Variants in JAKMIP1 observed in about 807,000 individuals in gnomAD.
JAKMIP1 encodes the protein janus kinase and microtubule interacting protein 1.
Under a neutral mutation model 113.0 loss-of-function variants are expected in JAKMIP1, and 33 were observed. That is an observed-to-expected ratio of 0.29 (90% CI 0.22 to 0.39). JAKMIP1 has a LOEUF of 0.39. Ranked by LOEUF, JAKMIP1 falls within the 10% of genes least tolerant of loss-of-function variation. The pLI, the probability that JAKMIP1 is intolerant of heterozygous loss-of-function variation, is 1.00. For missense variants in JAKMIP1, 813 were observed against 1,080.5 expected (o/e 0.75, Z 3.47); for synonymous variants, 480 against 459.9 (o/e 1.04, Z -0.56).
Position 6,081,521 on chromosome 4 carries a change from A to G in JAKMIP1, c.1101+88T>C. Reference sequence around the variant, plus strand: ...GGGAGGTGGGCAGCAGGTGCGCCCCAGAACATGTGAATCGGGAGGTTCAGG... The same window carrying G: ...GGGAGGTGGGCAGCAGGTGCGCCCCGGAACATGTGAATCGGGAGGTTCAGG... On this transcript the variant is annotated intron_variant, in intron 6 of 20. Transcript: ENST00000409021. The surrounding 1 kb of genome is among the most constrained non-coding windows in gnomAD (Gnocchi z 4.6). 1 of 1,503,376 alleles carries G rather than the reference A, an allele frequency of 6.7e-7. No homozygotes were observed. The highest frequency in any genetic ancestry group is 9.1e-7 in the Non-Finnish European group (1 of 1,095,434). 93.1% of individuals were successfully genotyped at this position (1,503,376 alleles called of 1,614,324 possible). A position where few individuals can be genotyped will look rare whatever the true frequency, so the allele number is the denominator to read the frequency against.
At chr4:6,055,005 G>A (rs1716172392) in intron 12 of JAKMIP1, among the ~76,000 whole-genome samples, 1 of 152,002 alleles carries the variant, frequency 6.6e-6, no homozygotes, top group Non-Finnish European at 1.5e-5. Flanking sequence ...GCCTGGGGTT[G>A]CTCGCTGTCC....
chr4:6,047,173 G>A (rs1424705135), intron 16 of JAKMIP1, among the ~76,000 whole-genome samples: 3 of 152,230 alleles, frequency 2.0e-5, no homozygotes, highest in Non-Finnish European at 2.9e-5. Flanking sequence ...CAGCTGGCAC[G>A]TGGTGTAGCC....
chr4:6,151,009 A>G (rs1248663425), intron 1 of JAKMIP1, among the ~76,000 whole-genome samples: 1 of 151,624 alleles, frequency 6.6e-6, no homozygotes, highest in East Asian at 1.9e-4. Context: ...TTTCTCCCCA[A>G]GCTTTGGCTT....
At chr4:6,084,504 C>T (rs1159479710) in intron 5 of JAKMIP1, among the ~76,000 whole-genome samples, 2 of 152,010 alleles carry the variant, frequency 1.3e-5, no homozygotes, top group Admixed American at 6.6e-5. Context: ...ATCACTCTGC[C>T]CTACGCTTTA....
intron 20 of JAKMIP1, among the ~76,000 whole-genome samples, chr4:6,028,064 A>AGAACACC (rs1217266759): frequency 6.6e-6 from 1 of 152,214 alleles, no homozygotes; most frequent in African/African-American, 2.4e-5. Context: ...GCAGCACATG[A>AGAACACC]GAACACCAAG....
At chr4:6,128,596 C>G (rs1240001052) in intron 1 of JAKMIP1, among the ~76,000 whole-genome samples, 1 of 152,194 alleles carries the variant, frequency 6.6e-6, no homozygotes, top group East Asian at 1.9e-4. Flanking sequence ...GTCTGCCTGA[C>G]AAAGCCCCAG....
rs986294763 is a variant in JAKMIP1, at chr4:6,106,099, G to C, written c.130-132C>G. On this transcript the variant is annotated intron_variant, in intron 2 of 20. Transcript: ENST00000409021. This position sits in a 1 kb window ranked among gnomAD's most constrained non-coding sequence, Gnocchi z 5.9. ...ACCCACCTGGGCCCACGTTCCCATG[G>C]ATTCCCCCTTCGGCAGTGCCCTGCA... is the stretch of plus-strand genomic sequence containing the variant. 1 of 630,762 alleles carries C rather than the reference G, an allele frequency of 1.6e-6. No homozygotes were observed. Among genetic ancestry groups the C allele is most frequent in the Non-Finnish European group, 2.7e-6 (1 of 365,432 alleles). The allele number at this position is 630,762 out of a possible 1,614,324, so 39.1% of individuals were successfully genotyped here. A position where few individuals can be genotyped will look rare whatever the true frequency, so the allele number is the denominator to read the frequency against.
chr4:6,064,862 C>G lies in JAKMIP1; in HGVS notation c.1431+18G>C. ...AGCATCTGGGGTGAGGTCCCGCCCT[C>G]TCTGCAGGTTTGCTTACATCGTCCA... On this transcript the variant is annotated intron_variant, in intron 9 of 20. Transcript: ENST00000409021. This position sits in a 1 kb window ranked among gnomAD's most constrained non-coding sequence, Gnocchi z 4.3. 1 of 1,613,876 alleles carries G rather than the reference C, an allele frequency of 6.2e-7. No homozygotes were observed. The highest frequency in any genetic ancestry group is 8.5e-7 in the Non-Finnish European group (1 of 1,180,004).
chr4:6,197,907 C>T lies in JAKMIP1; in HGVS notation c.-148+2346G>A, dbSNP rs1335530072. 6.6e-6 allele frequency among the ~76,000 whole-genome samples: 1 copy of T among 152,234 alleles called. No homozygotes were observed. The highest frequency in any genetic ancestry group is 1.5e-5 in the Non-Finnish European group (1 of 68,046). On this transcript the variant is annotated intron_variant, in intron 1 of 20. Transcript: ENST00000409021. The surrounding 1 kb of genome is among the most constrained non-coding windows in gnomAD (Gnocchi z 6.5). ...GCCACTTGTCCCACAGCCCAATCCA[C>T]CCTTACACACCAAGAGAGTGGGGCC...
chr4:6,103,079 T>C (rs1181770799), intron 3 of JAKMIP1, among the ~76,000 whole-genome samples: 1 of 152,212 alleles, frequency 6.6e-6, no homozygotes, highest in African/African-American at 2.4e-5. Context: ...AGTCAACATC[T>C]TGTTTTGACC....
intron 9 of JAKMIP1, among the ~76,000 whole-genome samples, chr4:6,063,917 G>A (rs1433197027): frequency 2.0e-5 from 3 of 152,240 alleles, no homozygotes; most frequent in African/African-American, 7.2e-5. Flanking sequence ...AGGGGAGCTT[G>A]TGGAGACCTG....
rs954790874 is a variant in JAKMIP1, at chr4:6,044,719, G to A, written c.2029-2492C>T. ...CACAGTGTTGAGATTTGTTGCTGCT[G>A]TCGTTTAAAAAATTGCATATAAAAA... On this transcript the variant is annotated intron_variant, in intron 16 of 20. Coordinates refer to ENST00000409021, the MANE Select transcript of JAKMIP1 (RefSeq NM_001099433.2). This position sits in a 1 kb window ranked among gnomAD's most constrained non-coding sequence, Gnocchi z 4.4. Among the ~76,000 whole-genome samples the A allele has an allele frequency of 3.4e-5, 5 of 147,566 alleles. No homozygotes were observed. Among genetic ancestry groups the A allele is most frequent in the African/African-American group, 1.1e-4 (4 of 37,532 alleles).
At chr4:6,120,797 A>G (rs2108907864) in intron 1 of JAKMIP1, among the ~76,000 whole-genome samples, 1 of 152,304 alleles carries the variant, frequency 6.6e-6, no homozygotes, top group Admixed American at 6.5e-5. Flanking sequence ...TTATGGCCCA[A>G]GTGGAGACTC....
intron 1 of JAKMIP1, among the ~76,000 whole-genome samples, chr4:6,149,031 A>C (rs537466647): frequency 6.6e-6 from 1 of 152,202 alleles, no homozygotes; most frequent in South Asian, 2.1e-4. Context: ...CGGGAGTTGA[A>C]TTCCAAGAGG....
chr4:6,161,863 G>A (rs1335656884), intron 1 of JAKMIP1, among the ~76,000 whole-genome samples: 1 of 152,158 alleles, frequency 6.6e-6, no homozygotes, highest in Non-Finnish European at 1.5e-5. Context: ...GTTTGGGCTG[G>A]GCTTATGGTG....
chr4:6,038,548 G>A (rs1713875515), intron 18 of JAKMIP1, among the ~76,000 whole-genome samples: 1 of 152,246 alleles, frequency 6.6e-6, no homozygotes, highest in African/African-American at 2.4e-5. Flanking sequence ...CCGAGGAAGA[G>A]GCTAACCCAG....
chr4:6,098,668 G>T (rs369055481), intron 3 of JAKMIP1, among the ~76,000 whole-genome samples: 1 of 102,592 alleles, frequency 9.7e-6, no homozygotes, highest in Non-Finnish European at 1.8e-5. Context: ...GGAAGAAAGA[G>T]AGAGAAAGAA....
At chr4:6,118,453 A>AC (rs1716173938) in intron 1 of JAKMIP1, among the ~76,000 whole-genome samples, 1 of 152,100 alleles carries the variant, frequency 6.6e-6, no homozygotes, top group Non-Finnish European at 1.5e-5. Flanking sequence ...GTGGTGTCAG[A>AC]GATGGGTGGG....
rs949656952 is a variant in JAKMIP1, at chr4:6,167,467, T to C, written c.-148+32786A>G. Among the ~76,000 whole-genome samples the C allele has an allele frequency of 3.9e-5, 6 of 152,174 alleles. No homozygotes were observed. Among genetic ancestry groups the C allele is most frequent in the African/African-American group, 1.2e-4 (5 of 41,428 alleles). On this transcript the variant is annotated intron_variant, in intron 1 of 20. Transcript: ENST00000409021. This position sits in a 1 kb window ranked among gnomAD's most constrained non-coding sequence, Gnocchi z 5.3. ...AGGCAAATCTGCCTCTAATAGTGGT[T>C]AAGGACACAGAGAGGGATGGTGTCA...
Sources: allele counts gnomAD v4.1 joint callset (sites outside exome capture counted in the v4.1 genomes callset), GRCh38; gene constraint gnomAD v4.1.1; non-coding constraint Gnocchi (gnomAD v3.1); transcripts MANE v1.5; gene names NCBI Gene and HGNC (gene_info 2026-07-23, HGNC 2026-07-21).